The following RUBCN variants were observed in gnomAD, a reference collection of about 807,000 sequenced individuals.
RUBCN encodes the protein run domain Beclin-1-interacting and cysteine-rich domain-containing protein.
RUBCN carries 74 observed loss-of-function variants against 113.2 expected under a neutral mutation model. The ratio of observed to expected loss-of-function variants is 0.65; its 90% CI spans 0.54 to 0.79. The LOEUF (loss-of-function observed/expected upper bound fraction) is 0.79. Among genes scored for constraint, RUBCN ranks in the 30% least tolerant of loss-of-function variants. The pLI, the probability that RUBCN is intolerant of heterozygous loss-of-function variation, is 0.00. For synonymous variants in RUBCN, 480 were observed against 490.0 expected, an observed-to-expected ratio of 0.98 and a Z score of 0.27; for missense variants, 1,109 against 1,251.7, an observed-to-expected ratio of 0.89 and a Z score of 1.72.
In RUBCN at chr3:197,674,824, C is replaced by T; in HGVS notation, c.*194G>A. 1 of 564,952 alleles carries T rather than the reference C, an allele frequency of 1.8e-6. No individual in the cohort carries two copies. Among genetic ancestry groups the T allele is most frequent in the Non-Finnish European group, 3.1e-6 (1 of 326,028 alleles). The allele number at this position is 564,952 out of a possible 1,614,324, so 35.0% of individuals were successfully genotyped here. On this transcript the variant is annotated 3_prime_UTR_variant, in exon 20 of 20. Coordinates refer to ENST00000296343, the MANE Select transcript of RUBCN (RefSeq NM_014687.4). Reference sequence around the variant, plus strand: ...TTTACAAATTATCTGTCACCACAGACTCTGGACCCATCAACCTGCCGACGG... The same window carrying T: ...TTTACAAATTATCTGTCACCACAGATTCTGGACCCATCAACCTGCCGACGG...
chr3:197,727,039 A>C (rs754937877), intron 1 of RUBCN, among the ~76,000 whole-genome samples: 19 of 150,848 alleles, frequency 1.3e-4, no homozygotes, highest in Non-Finnish European at 2.4e-4. Context: ...TCCCGGGTTC[A>C]AATGATTCTC....
At chr3:197,725,827 A>ATGG (rs1214815802) in intron 1 of RUBCN, among the ~76,000 whole-genome samples, 2 of 152,200 alleles carry the variant, frequency 1.3e-5, no homozygotes, top group Admixed American at 6.5e-5. Context: ...CCTAACCACC[A>ATGG]ACAAACTCCT....
rs1560434625 is a variant in RUBCN at position 197,701,090 on chromosome 3, T to C, written c.784A>G (p.Arg262Gly). ...SGPPRKPQES[R>G]GHVSPAEDQT... ...TCCTCTGCTGGTGAGACGTGCCCTC[T>C]GCTTTCTTGAGGTTTCCGGGGAGGG... Residue 262 changes from arginine to glycine, a missense_variant, in exon 7 of 20, where the codon AGA becomes GGA. Physicochemically the swap from Arg to Gly is moderately radical, Grantham distance 125. Transcript: ENST00000296343. 4 of 1,597,128 alleles carry C rather than the reference T, an allele frequency of 2.5e-6. No homozygotes were observed. Among genetic ancestry groups the C allele is most frequent in the Non-Finnish European group, 3.4e-6 (4 of 1,169,382 alleles).
At chr3:197,677,663 G>C (rs1320805024) in intron 16 of RUBCN, 122 bp from the exon 17 acceptor site, 48 of 831,104 alleles carry the variant, frequency 5.8e-5, no homozygotes, top group Non-Finnish European at 8.6e-5. Flanking sequence ...ACCCAGAGCA[G>C]ACTGTCCTAC....
At chr3:197,695,736 G>C in intron 9 of RUBCN, 130 bp downstream of exon 9, 1 of 820,000 alleles carries the variant, frequency 1.2e-6, no homozygotes, top group East Asian at 2.6e-5. Context: ...AACTTGCTGA[G>C]CTTCCCTTTA....
chr3:197,716,366 C>A (rs1725515148), intron 2 of RUBCN, among the ~76,000 whole-genome samples: 1 of 152,212 alleles, frequency 6.6e-6, no homozygotes, highest in Admixed American at 6.5e-5. Flanking sequence ...CTCAAGTGAT[C>A]TGCCCCACTT....
intron 9 of RUBCN, among the ~76,000 whole-genome samples, chr3:197,695,162 C>T (rs1228499620): frequency 1.4e-5 from 2 of 147,832 alleles, no homozygotes; most frequent in African/African-American, 5.0e-5. Context: ...CTGTGAATCC[C>T]AGCACTCTGG....
At chr3:197,694,286 G>T in intron 10 of RUBCN, 89 bp downstream of exon 10, 2 of 1,107,114 alleles carry the variant, frequency 1.8e-6, no homozygotes, top group South Asian at 2.5e-5. Context: ...AGAAACATCT[G>T]ACAGCAGAGG....
intron 11 of RUBCN, among the ~76,000 whole-genome samples, chr3:197,693,483 G>A (rs978201487): frequency 7.9e-5 from 12 of 152,292 alleles, no homozygotes; most frequent in African/African-American, 2.9e-4. Flanking sequence ...AGGAGGACGC[G>A]TCAGGGTGAC....
At chr3:197,745,960 C>T (rs978899713) in intron 1 of RUBCN, among the ~76,000 whole-genome samples, 9 of 149,870 alleles carry the variant, frequency 6.0e-5, no homozygotes, top group Non-Finnish European at 1.3e-4. Context: ...AGCTTAAACC[C>T]GGGAGGCGGA....
upstream of RUBCN, among the ~76,000 whole-genome samples, chr3:197,739,412 G>A (rs928173525): frequency 2.0e-5 from 3 of 148,856 alleles, no homozygotes; most frequent in African/African-American, 7.4e-5. Context: ...AAAAAAAAAA[G>A]GCCGGGCGTG....
upstream of RUBCN, among the ~76,000 whole-genome samples, chr3:197,739,661 T>C (rs183288370): frequency 2.6e-5 from 4 of 152,192 alleles, no homozygotes; most frequent in South Asian, 2.1e-4. Flanking sequence ...ATCACGCCAC[T>C]GCACTCCAGC....
At chr3:197,746,642 C>T (rs1728758221) in intron 1 of RUBCN, among the ~76,000 whole-genome samples, 1 of 152,120 alleles carries the variant, frequency 6.6e-6, no homozygotes, top group African/African-American at 2.4e-5. Flanking sequence ...CATATTTGTA[C>T]TAAACAATTG....
intron 7 of RUBCN, among the ~76,000 whole-genome samples, chr3:197,700,157 C>A (rs1201737631): frequency 6.6e-6 from 1 of 152,160 alleles, no homozygotes; most frequent in Non-Finnish European, 1.5e-5. Flanking sequence ...ATCGCATCAC[C>A]CTGCACTCAC....
At chr3:197,678,194 G>A (rs1284728365) in intron 16 of RUBCN, among the ~76,000 whole-genome samples, 1 of 146,910 alleles carries the variant, frequency 6.8e-6, no homozygotes, top group Non-Finnish European at 1.5e-5. Context: ...GCTCTAACTC[G>A]ACAACTGGCT....
At position 197,670,768 on chromosome 3, in the gene RUBCN, G is replaced by C. The variant is rs1027698859; in HGVS notation, c.*4250C>G. Among the ~76,000 whole-genome samples the C allele has an allele frequency of 6.6e-6, 1 of 152,170 alleles. No homozygotes were observed. Among genetic ancestry groups the C allele is most frequent in the African/African-American group, 2.4e-5 (1 of 41,430 alleles). ...CATATAAATATCATCTTATCTCCTG[G>C]TTTAGTCCCTGGCAAGGAAAGAGCT... On this transcript the variant is annotated 3_prime_UTR_variant, in exon 20 of 20. Transcript: ENST00000296343.
rs916337449 is a variant in RUBCN at position 197,681,360 on chromosome 3, G to T, written c.2199C>A (p.Ile733=). ...GCGIRTDPDY[I]KRLRYCEYLG... is the part of the protein sequence containing the mutation. ...GGTACTCACAGTACCGCAGTCGCTT[G>T]ATGTAATCTGGAAAAACCGGAAAGC... Residue 733 remains isoleucine (I), a synonymous_variant, in exon 16 of 20, where the codon ATC becomes ATA. Coordinates refer to ENST00000296343, the MANE Select transcript of RUBCN (RefSeq NM_014687.4). The surrounding 1 kb of genome is among the most constrained non-coding windows in gnomAD (Gnocchi z 5.5). 6.2e-7 allele frequency: 1 copy of T among 1,612,532 alleles called. No homozygotes were observed. Among genetic ancestry groups the T allele is most frequent in the Non-Finnish European group, 8.5e-7 (1 of 1,178,600 alleles).
intron 1 of RUBCN, among the ~76,000 whole-genome samples, chr3:197,743,044 C>T (rs2109023704): frequency 6.6e-6 from 1 of 152,276 alleles, no homozygotes; most frequent in South Asian, 2.1e-4. Context: ...CCTTCAAGTT[C>T]CCTTGTCCAC....
chr3:197,697,334 C>G (rs918737526), intron 7 of RUBCN, among the ~76,000 whole-genome samples: 2 of 152,200 alleles, frequency 1.3e-5, no homozygotes, highest in Non-Finnish European at 2.9e-5. Context: ...CTTCTCTTTC[C>G]TTACATCTTT....
Sources: allele counts gnomAD v4.1 joint callset (sites outside exome capture counted in the v4.1 genomes callset), GRCh38; gene constraint gnomAD v4.1.1; non-coding constraint Gnocchi (gnomAD v3.1); transcripts MANE v1.5; gene names NCBI Gene and HGNC (gene_info 2026-07-23, HGNC 2026-07-21).